Variants in GALNT13 observed in about 807,000 individuals in gnomAD.
GALNT13 encodes the protein UDP-GalNAc:polypeptide N-acetylgalactosaminyltransferase 13.
In GALNT13, 28 loss-of-function variants were observed where a neutral mutation model predicts 64.2. The ratio of observed to expected loss-of-function variants is 0.44; its 90% CI spans 0.32 to 0.60. GALNT13 has a LOEUF of 0.60. Among genes scored for constraint, GALNT13 ranks in the 20% least tolerant of loss-of-function variants. The pLI, the probability that GALNT13 is intolerant of heterozygous loss-of-function variation, is 0.05. For missense variants in GALNT13, 577 were observed against 669.8 expected (o/e 0.86, Z 1.53); for synonymous variants, 214 against 224.6 (o/e 0.95, Z 0.42).
chr2:153,649,615 T>A, the GALNT13 span, among the ~76,000 whole-genome samples: 1 of 152,090 alleles, frequency 6.6e-6, no homozygotes, highest in Non-Finnish European at 1.5e-5. Flanking sequence ...GCTATAAATT[T>A]CCCTCTACAC....
At chr2:154,417,934 G>C (rs548954566) in intron 11 of GALNT13, among the ~76,000 whole-genome samples, 1 of 151,812 alleles carries the variant, frequency 6.6e-6, no homozygotes, top group Admixed American at 6.6e-5. Context: ...TTAGACTGCA[G>C]AATTTTTTCT....
chr2:153,435,062 C>G, the GALNT13 span, among the ~76,000 whole-genome samples: 1 of 152,158 alleles, frequency 6.6e-6, no homozygotes, highest in Admixed American at 6.5e-5. Flanking sequence ...AGCCAGTTTT[C>G]TCAGCACCAT....
At chr2:153,967,765 A>G (rs974104272) in intron 3 of GALNT13, among the ~76,000 whole-genome samples, 1 of 151,842 alleles carries the variant, frequency 6.6e-6, no homozygotes, top group Admixed American at 6.6e-5. Context: ...TCTGCCCCGG[A>G]TATTTTTGTC....
the GALNT13 span, among the ~76,000 whole-genome samples, chr2:153,695,079 G>A: frequency 2.1e-4 from 32 of 152,270 alleles, no homozygotes; most frequent in Admixed American, 2.1e-3. Context: ...CTCCCAGTAA[G>A]TAACAAAGAT....
At chr2:154,142,661 G>C (rs1480541317) in intron 4 of GALNT13, among the ~76,000 whole-genome samples, 1 of 151,256 alleles carries the variant, frequency 6.6e-6, no homozygotes, top group African/African-American at 2.4e-5. Flanking sequence ...ACTGCTTTGT[G>C]ACAACCATTG....
the GALNT13 span, among the ~76,000 whole-genome samples, chr2:153,220,694 C>T: frequency 2.0e-5 from 3 of 152,192 alleles, no homozygotes; most frequent in Non-Finnish European, 4.4e-5. Context: ...TTCATTCCTG[C>T]TCTAAAGCTT....
the GALNT13 span, among the ~76,000 whole-genome samples, chr2:153,263,747 C>T: frequency 2.0e-5 from 3 of 152,086 alleles, no homozygotes; most frequent in Admixed American, 6.6e-5. Context: ...TAGCCATAGG[C>T]AGAAAATTAA....
chr2:154,028,277 G>A (rs540082405), intron 3 of GALNT13, among the ~76,000 whole-genome samples: 17 of 152,092 alleles, frequency 1.1e-4, no homozygotes, highest in African/African-American at 3.6e-4. Flanking sequence ...TTGCTATATT[G>A]CTAAGAAAAT....
At chr2:153,373,177 C>T in the GALNT13 span, among the ~76,000 whole-genome samples, 66 of 144,386 alleles carry the variant, frequency 4.6e-4, no homozygotes, top group African/African-American at 1.6e-3. Flanking sequence ...TGTTCATGCA[C>T]ACATACACTT....
chr2:153,620,135 A>AT, the GALNT13 span, among the ~76,000 whole-genome samples: 1 of 151,402 alleles, frequency 6.6e-6, no homozygotes, highest in South Asian at 2.1e-4. Flanking sequence ...ATTTATTTTT[A>AT]TTTTTTGAGA....
At chr2:153,350,023 T>G in the GALNT13 span, among the ~76,000 whole-genome samples, 1 of 152,222 alleles carries the variant, frequency 6.6e-6, no homozygotes, top group African/African-American at 2.4e-5. Flanking sequence ...ACTGTTGAAC[T>G]GACCTTCTCT....
chr2:154,156,508 A>G (rs983506932), intron 4 of GALNT13, among the ~76,000 whole-genome samples: 1 of 152,188 alleles, frequency 6.6e-6, no homozygotes, highest in African/African-American at 2.4e-5. Flanking sequence ...TCAGCTATAT[A>G]TTAAGTAGTT....
chr2:153,288,265 A>C, the GALNT13 span, among the ~76,000 whole-genome samples: 3 of 152,214 alleles, frequency 2.0e-5, no homozygotes, highest in African/African-American at 7.2e-5. Flanking sequence ...AATGTGCCCT[A>C]TATGTGTGTG....
intron 2 of GALNT13, among the ~76,000 whole-genome samples, chr2:153,940,872 A>T (rs1691293475): frequency 6.6e-6 from 1 of 152,166 alleles, no homozygotes; most frequent in Non-Finnish European, 1.5e-5. Context: ...TACAAAAGAA[A>T]GTTTATGACT....
At chr2:154,325,496 A>G (rs16836508) in intron 9 of GALNT13, among the ~76,000 whole-genome samples, 3,880 of 152,190 alleles carry the variant, frequency 0.025, 150 homozygotes, top group African/African-American at 0.078. Context: ...GGGTACTACA[A>G]TCTCGGAACT....
At chr2:153,174,987 C>T in the GALNT13 span, among the ~76,000 whole-genome samples, 1 of 152,104 alleles carries the variant, frequency 6.6e-6, no homozygotes, top group East Asian at 1.9e-4. Context: ...ATTACCAAAT[C>T]TAGGATTATT....
the GALNT13 span, among the ~76,000 whole-genome samples, chr2:153,080,079 A>C: frequency 7.2e-5 from 11 of 152,066 alleles, no homozygotes; most frequent in Non-Finnish European, 1.6e-4. Flanking sequence ...TCTGATTGTC[A>C]TTTCCTGTGG....
the GALNT13 span, among the ~76,000 whole-genome samples, chr2:153,408,603 C>T: frequency 5.3e-5 from 8 of 152,100 alleles, no homozygotes; most frequent in Non-Finnish European, 1.0e-4. Flanking sequence ...CCGATTTACT[C>T]GCAGAGCTCA....
the GALNT13 span, among the ~76,000 whole-genome samples, chr2:153,372,663 A>G: frequency 6.6e-6 from 1 of 151,328 alleles, no homozygotes; most frequent in African/African-American, 2.4e-5. Flanking sequence ...AAAAAGAAAG[A>G]AGGAAAGAAA....
Sources: allele counts gnomAD v4.1 joint callset (sites outside exome capture counted in the v4.1 genomes callset), GRCh38; gene constraint gnomAD v4.1.1; transcripts MANE v1.5; gene names NCBI Gene and HGNC (gene_info 2026-07-23, HGNC 2026-07-21).